Variants in ADAMTSL1 observed in about 807,000 individuals in gnomAD.
The protein encoded by ADAMTSL1 is ADAMTS like 1, also known as ADAMTS-like protein 1.
In ADAMTSL1, 126 loss-of-function variants were observed where a neutral mutation model predicts 201.8. The ratio of observed to expected loss-of-function variants is 0.62; its 90% CI spans 0.54 to 0.72. The LOEUF is 0.72. Among genes scored for constraint, ADAMTSL1 ranks in the 30% least tolerant of loss-of-function variants. ADAMTSL1 has a pLI of 0.00. For synonymous variants in ADAMTSL1, 1,121 were observed against 903.4 expected (o/e 1.24, Z -4.32); for missense variants, 2,679 against 2,277.8 (o/e 1.18, Z -3.59).
At chr9:18,511,197 G>T (rs904132119) in intron 2 of ADAMTSL1, among the ~76,000 whole-genome samples, 2 of 151,994 alleles carry the variant, frequency 1.3e-5, no homozygotes, top group African/African-American at 4.8e-5. Context: ...AGATTTAAAG[G>T]TCTTCTGAGA....
intron 1 of ADAMTSL1, among the ~76,000 whole-genome samples, chr9:17,993,457 A>T (rs1247240724): frequency 2.4e-5 from 2 of 84,766 alleles, no homozygotes; most frequent in Non-Finnish European, 4.5e-5. Context: ...AGCCTGTCGT[A>T]GTTTACAGTT....
At chr9:17,987,120 CGG>C (rs1818959884) in intron 1 of ADAMTSL1, among the ~76,000 whole-genome samples, 1 of 151,924 alleles carries the variant, frequency 6.6e-6, no homozygotes. Context: ...TCTGAGTTTT[CGG>C]AGAGTATCTG....
chr9:18,247,222 C>T (rs1192121582), intron 2 of ADAMTSL1, among the ~76,000 whole-genome samples: 1 of 152,040 alleles, frequency 6.6e-6, no homozygotes. Context: ...TTAATAGTAA[C>T]AGTAATAGCA....
At chr9:18,413,825 G>A (rs1043041863) in intron 2 of ADAMTSL1, among the ~76,000 whole-genome samples, 1 of 152,128 alleles carries the variant, frequency 6.6e-6, no homozygotes, top group Non-Finnish European at 1.5e-5. Flanking sequence ...AATTATTTGA[G>A]ACATGTTTAT....
intron 2 of ADAMTSL1, among the ~76,000 whole-genome samples, chr9:18,400,389 C>T (rs114279486): frequency 6.6e-6 from 1 of 152,166 alleles, no homozygotes; most frequent in South Asian, 2.1e-4. Flanking sequence ...TTTCTTTTAA[C>T]TTCGGTACTC....
intron 2 of ADAMTSL1, among the ~76,000 whole-genome samples, chr9:18,448,540 T>C (rs1404354343): frequency 6.6e-6 from 1 of 152,232 alleles, no homozygotes; most frequent in African/African-American, 2.4e-5. Flanking sequence ...CATTTAAAAT[T>C]CATCATCATA....
rs534000732 is a variant in ADAMTSL1, at chr9:18,273,754, C to T, written c.207+109773C>T. On this transcript the variant is annotated intron_variant, in intron 2 of 29. Transcript: ENST00000680146. ...CCATGTGGTCAACTTCATCCAGTTC[C>T]TTGGTTGTAACCTAGATTTCAATGG... 2.0e-5 allele frequency among the ~76,000 whole-genome samples: 3 copies of T among 152,254 alleles called. No individual in the cohort carries two copies. In the South Asian group the frequency reaches 6.2e-4, roughly 32 times the overall value.
chr9:18,021,161 C>T (rs1488805847), intron 1 of ADAMTSL1, among the ~76,000 whole-genome samples: 2 of 152,230 alleles, frequency 1.3e-5, no homozygotes, highest in East Asian at 1.9e-4. Context: ...TTGAGAAGCA[C>T]TTGTGAGACT....
chr9:18,333,243 T>A (rs1563892967), intron 2 of ADAMTSL1, among the ~76,000 whole-genome samples: 1 of 152,186 alleles, frequency 6.6e-6, no homozygotes, highest in Non-Finnish European at 1.5e-5. Context: ...CCATAATTTC[T>A]GTGTATCTTG....
chr9:18,105,207 T>G, intron 1 of ADAMTSL1, among the ~76,000 whole-genome samples: 1 of 152,192 alleles, frequency 6.6e-6, no homozygotes. Context: ...ATGTGCTCTC[T>G]GAGTTTCCTT....
chr9:18,631,267 A>T (rs1264545769), intron 5 of ADAMTSL1, among the ~76,000 whole-genome samples: 1 of 152,186 alleles, frequency 6.6e-6, no homozygotes, highest in East Asian at 1.9e-4. Flanking sequence ...GGGAATGAGG[A>T]GGGCATCTTG....
In ADAMTSL1 at chr9:18,060,826, T is replaced by C. The variant is rs150333132; in HGVS notation, c.88-103036T>C. On this transcript the variant is annotated intron_variant, in intron 1 of 29. Coordinates refer to the ADAMTSL1 transcript ENST00000680146. ...ATTGCTAATCTTTTTGCATATTCAG[T>C]ATATATACACATTACTTATTAACTT... Among the ~76,000 whole-genome samples, 10 of 152,320 alleles carry C rather than the reference T, an allele frequency of 6.6e-5. No homozygotes were observed. The East Asian group carries it at 1.9e-3, about 29-fold the overall frequency.
chr9:18,406,337 T>TTCTTTTCCTTTCTTC, intron 2 of ADAMTSL1, among the ~76,000 whole-genome samples: 1 of 109,864 alleles, frequency 9.1e-6, no homozygotes, highest in African/African-American at 3.8e-5. Context: ...TTCTTTTCTT[T>TTCTTTTCCTTTCTTC]TCTTTTTTTG....
rs1414975930 is a variant in ADAMTSL1, at chr9:18,889,696, G to T, written c.4591G>T (p.Val1531Phe). ...CAACCCTGCCCACTGCGCAGGGAAG[G>T]TTCGCCCTGCGGTGCAGCCCATCGC... Reference protein sequence around the residue: ...EVNPAHCAGKVRPAVQPIACN... With the variant: ...EVNPAHCAGKFRPAVQPIACN... Residue 1531 changes from valine to phenylalanine, a missense_variant, in exon 25 of 29, where the codon GTT becomes TTT. By Grantham distance (50) the Val-to-Phe change is conservative. Coordinates refer to ENST00000380548, the MANE Select transcript of ADAMTSL1 (RefSeq NM_001040272.6). 4 of 1,586,690 alleles carry T rather than the reference G, an allele frequency of 2.5e-6. No individual in the cohort carries two copies. Among genetic ancestry groups the T allele is most frequent in the Middle Eastern group, 1.7e-4 (1 of 5,880 alleles).
At chr9:18,081,676 T>G (rs1378990740) in intron 1 of ADAMTSL1, among the ~76,000 whole-genome samples, 1 of 152,226 alleles carries the variant, frequency 6.6e-6, no homozygotes, top group Non-Finnish European at 1.5e-5. Flanking sequence ...AATGACTTGC[T>G]TTCTCATTTT....
chr9:17,917,677 A>G (rs780702478), intron 1 of ADAMTSL1, among the ~76,000 whole-genome samples: 2 of 152,000 alleles, frequency 1.3e-5, no homozygotes, highest in African/African-American at 4.8e-5. Flanking sequence ...TGGTTTTGGT[A>G]TTAGAGCAAT....
chr9:17,940,407 A>C (rs1827189206), intron 1 of ADAMTSL1, among the ~76,000 whole-genome samples: 1 of 152,092 alleles, frequency 6.6e-6, no homozygotes, highest in Non-Finnish European at 1.5e-5. Flanking sequence ...TAACTGATTG[A>C]ATTCAATGGC....
intron 23 of ADAMTSL1, among the ~76,000 whole-genome samples, chr9:18,838,668 A>AT (rs5896815): frequency 6.6e-6 from 1 of 151,586 alleles, no homozygotes; most frequent in East Asian, 1.9e-4. Flanking sequence ...CACTACAAAA[A>AT]TTTTTTTAAA....
intron 2 of ADAMTSL1, among the ~76,000 whole-genome samples, chr9:18,304,108 C>T (rs948067406): frequency 5.3e-5 from 8 of 152,044 alleles, no homozygotes; most frequent in African/African-American, 1.7e-4. Flanking sequence ...GTCTAGATGT[C>T]CTCTATGTGT....
Sources: allele counts gnomAD v4.1 joint callset (sites outside exome capture counted in the v4.1 genomes callset), GRCh38; gene constraint gnomAD v4.1.1; transcripts MANE v1.5; gene names NCBI Gene and HGNC (gene_info 2026-07-23, HGNC 2026-07-21).